The following FNBP1 variants were observed in gnomAD, a reference collection of about 807,000 sequenced individuals.
FNBP1 encodes the protein formin binding protein 1.
In FNBP1, 26 loss-of-function variants were observed where a neutral mutation model predicts 90.6. The observed-to-expected ratio is 0.29, with a 90% CI of 0.21 to 0.40. The LOEUF is 0.40. FNBP1 is among the 10% of genes least tolerant of loss of function. The pLI is 1.00. For missense variants in FNBP1, 635 were observed against 768.0 expected (o/e 0.83, Z 2.05); for synonymous variants, 260 against 265.2 (o/e 0.98, Z 0.19).
intron 10 of FNBP1, among the ~76,000 whole-genome samples, chr9:129,921,208 C>T (rs1285148273): frequency 6.6e-6 from 1 of 151,992 alleles, no homozygotes. Context: ...ATTGTTTTGT[C>T]CCCTATTTTT....
At position 129,908,842 on chromosome 9, in the gene FNBP1, C is replaced by T. The variant is rs1477180133; in HGVS notation, c.1295+48G>A. 8 of 1,295,412 alleles carry T rather than the reference C, an allele frequency of 6.2e-6. No individual in the cohort carries two copies. In the South Asian group the frequency reaches 8.7e-5, roughly 14 times the overall value. The allele number at this position is 1,295,412 out of a possible 1,614,324, so 80.2% of individuals were successfully genotyped here. On this transcript the variant is annotated intron_variant, in intron 12 of 16. Transcript: ENST00000446176. ...TGCTGGGATTACAGGTTGTGAGCCA[C>T]TGCGCCTGGCCTTGAATTTCTTAAT... is the stretch of plus-strand genomic sequence containing the variant.
At chr9:129,993,718 G>A (rs912985240) in intron 2 of FNBP1, among the ~76,000 whole-genome samples, 1 of 151,260 alleles carries the variant, frequency 6.6e-6, no homozygotes, top group African/African-American at 2.4e-5. Flanking sequence ...TCCACCTCCC[G>A]GGTTCAAGCA....
At position 129,889,007 on chromosome 9, in the gene FNBP1, G is replaced by A; in HGVS notation, c.*1532C>T. ...TTCCGTGGCGCTCTCGGTCACAGGA[G>A]CTCTAGGCCAATGGTTCCTCTTGAC... is the stretch of plus-strand genomic sequence containing the variant. On this transcript the variant is annotated 3_prime_UTR_variant, in exon 17 of 17. Coordinates refer to ENST00000446176, the MANE Select transcript of FNBP1 (RefSeq NM_015033.3). 1 of 166,082 alleles carries A rather than the reference G, an allele frequency of 6.0e-6. No individual in the cohort carries two copies. Among genetic ancestry groups the A allele is most frequent in the East Asian group, 1.3e-4 (1 of 7,814 alleles). The allele number at this position is 166,082 out of a possible 1,614,324, so 10.3% of individuals were successfully genotyped here.
chr9:129,962,908 G>C (rs1171505357), intron 4 of FNBP1, among the ~76,000 whole-genome samples: 4 of 152,164 alleles, frequency 2.6e-5, no homozygotes, highest in East Asian at 1.9e-4. Context: ...CCAGAGACCA[G>C]AGCGTCAATT....
chr9:130,017,168 C>G (rs1376636489), intron 1 of FNBP1, among the ~76,000 whole-genome samples: 1 of 152,130 alleles, frequency 6.6e-6, no homozygotes, highest in Non-Finnish European at 1.5e-5. Context: ...ATAAGGAGTT[C>G]TTCAAGTCCC....
At chr9:129,974,113 C>T (rs938670389) in intron 4 of FNBP1, among the ~76,000 whole-genome samples, 10 of 152,150 alleles carry the variant, frequency 6.6e-5, no homozygotes, top group East Asian at 1.9e-4. Flanking sequence ...TGAGTCACCG[C>T]GCCCAGCCAA....
At chr9:130,021,708 T>C (rs1443314910) in intron 1 of FNBP1, among the ~76,000 whole-genome samples, 1 of 152,206 alleles carries the variant, frequency 6.6e-6, no homozygotes, top group African/African-American at 2.4e-5. Flanking sequence ...CAATCTTTCA[T>C]TACTCAGGAG....
At chr9:129,996,655 T>C (rs1307547462) in intron 1 of FNBP1, among the ~76,000 whole-genome samples, 1 of 152,204 alleles carries the variant, frequency 6.6e-6, no homozygotes, top group African/African-American at 2.4e-5. Flanking sequence ...GCTTGTGCAA[T>C]CTAACAGTAT....
At chr9:129,988,106 G>T (rs2052572757) in intron 2 of FNBP1, among the ~76,000 whole-genome samples, 1 of 152,140 alleles carries the variant, frequency 6.6e-6, no homozygotes, top group Admixed American at 6.5e-5. Flanking sequence ...GTAGCAAATT[G>T]ACAAAGATCG....
intron 6 of FNBP1, among the ~76,000 whole-genome samples, chr9:129,955,932 C>A (rs528572894): frequency 6.6e-6 from 1 of 151,784 alleles, no homozygotes; most frequent in South Asian, 2.1e-4. Flanking sequence ...TTGGGCTAAT[C>A]TAACTTATTT....
chr9:129,956,942 G>A (rs2047029060), intron 6 of FNBP1, among the ~76,000 whole-genome samples: 1 of 152,026 alleles, frequency 6.6e-6, no homozygotes. Flanking sequence ...TCCCCATGTA[G>A]CGCCTTTTGT....
chr9:129,958,557 C>T lies in FNBP1; in HGVS notation c.346-4G>A, dbSNP rs1176400458. ...CTTTACGGCCATCGTGAAAGTTCTGCAAAGGGGAAAACACACTGGTGATTA... is the reference window on the plus strand; with the variant it reads ...CTTTACGGCCATCGTGAAAGTTCTGTAAAGGGGAAAACACACTGGTGATTA... On this transcript the variant is annotated splice_region_variant and splice_polypyrimidine_tract_variant and intron_variant, in intron 4 of 16. Transcript: ENST00000446176. 3 of 1,591,612 alleles carry T rather than the reference C, an allele frequency of 1.9e-6. No individual in the cohort carries two copies. The highest frequency in any genetic ancestry group is 2.6e-6 in the Non-Finnish European group (3 of 1,167,936).
intron 1 of FNBP1, among the ~76,000 whole-genome samples, chr9:130,001,757 C>T (rs557101888): frequency 2.1e-4 from 32 of 152,070 alleles, no homozygotes; most frequent in Middle Eastern, 3.4e-3. Context: ...GGCATGGTGG[C>T]TCACGGCTAT....
In FNBP1 at chr9:129,927,205, T is replaced by A. The variant is rs753495723; in HGVS notation, c.779A>T (p.Asp260Val). ...DGIVKAAESI[D>V]QKNDSQLVIE... ...AATGGCAATACTTACATTTTTCTGATCAATTGATTCGGCTGCTTTTACTAT... is the reference window on the plus strand; with the variant it reads ...AATGGCAATACTTACATTTTTCTGAACAATTGATTCGGCTGCTTTTACTAT... Residue 260 changes from aspartate to valine, a missense_variant, in exon 8 of 17, where the codon GAT becomes GTT. Asp to Val is a radical substitution (Grantham distance 152). Coordinates refer to ENST00000446176, the MANE Select transcript of FNBP1 (RefSeq NM_015033.3). 6.2e-7 allele frequency: 1 copy of A among 1,613,790 alleles called. No individual in the cohort carries two copies. The highest frequency in any genetic ancestry group is 8.5e-7 in the Non-Finnish European group (1 of 1,179,808).
chr9:130,040,564 T>C (rs1589443585), intron 1 of FNBP1, among the ~76,000 whole-genome samples: 1 of 145,354 alleles, frequency 6.9e-6, no homozygotes, highest in Non-Finnish European at 1.5e-5. Context: ...GAGGCTGCAG[T>C]GAGCCGAGAT....
At chr9:130,033,640 C>T (rs943497856) in intron 1 of FNBP1, among the ~76,000 whole-genome samples, 26 of 149,780 alleles carry the variant, frequency 1.7e-4, no homozygotes, top group African/African-American at 6.4e-4. Flanking sequence ...AGTTCAAGTC[C>T]AGCCTGGGCA....
chr9:130,007,843 C>T (rs1188654615), intron 1 of FNBP1, among the ~76,000 whole-genome samples: 1 of 151,920 alleles, frequency 6.6e-6, no homozygotes, highest in African/African-American at 2.4e-5. Flanking sequence ...TGGCAAAACC[C>T]CGTCTCTACT....
chr9:129,998,210 AAG>A lies in FNBP1; in HGVS notation c.25-3254_25-3253del, dbSNP rs372110328. On this transcript the variant is annotated intron_variant, in intron 1 of 16. Coordinates refer to ENST00000446176, the MANE Select transcript of FNBP1 (RefSeq NM_015033.3). Reference sequence around the variant, plus strand: ...GACTCTGTCTCGAAAAAAAAAAAAAAAGAAAAAAAATGGCCGGGCGCGGTGGC... The same window carrying A: ...GACTCTGTCTCGAAAAAAAAAAAAAAAAAAAAAATGGCCGGGCGCGGTGGC... Among the ~76,000 whole-genome samples the A allele has an allele frequency of 3.8e-4, 55 of 143,358 alleles. 4 individuals are homozygous for A. The highest frequency in any genetic ancestry group is 2.4e-3 in the East Asian group (12 of 4,904). The allele number at this position is 143,358 out of a possible 152,430, so 94.0% of individuals were successfully genotyped here.
rs778995817 is a variant in FNBP1 at position 129,909,027 on chromosome 9, C to T, written c.1186-28G>A. On this transcript the variant is annotated intron_variant, in intron 11 of 16. Coordinates refer to ENST00000446176, the MANE Select transcript of FNBP1 (RefSeq NM_015033.3). ...GCAGACACAAATATAAATGAGAAAC[C>T]AGAAAGCCCCAGGCTTTCCTTGAAA... 4 of 1,501,866 alleles carry T rather than the reference C, an allele frequency of 2.7e-6. No homozygotes were observed. In the Admixed American group the frequency reaches 6.7e-5, roughly 25 times the overall value. The allele number at this position is 1,501,866 out of a possible 1,614,324, so 93.0% of individuals were successfully genotyped here.
Sources: gnomAD v4.1 joint callset for allele counts (sites outside exome capture counted in the v4.1 genomes callset) on GRCh38, gnomAD v4.1.1 for gene constraint, MANE v1.5 for transcripts, NCBI Gene and HGNC (gene_info 2026-07-23, HGNC 2026-07-21) for gene names.